The following KANSL1L variants were observed in gnomAD, a reference collection of about 807,000 sequenced individuals.
The protein encoded by KANSL1L is KAT8 regulatory NSL complex subunit 1 like, also known as KAT8 regulatory NSL complex subunit 1-like protein.
A neutral mutation model predicts 108.6 loss-of-function variants in KANSL1L; 25 were observed. That is an observed-to-expected ratio of 0.23 (90% CI 0.17 to 0.32). The LOEUF is 0.32. KANSL1L is among the 10% of genes least tolerant of loss of function. The pLI is 1.00. For synonymous variants in KANSL1L, 405 were observed against 395.1 expected (o/e 1.03, Z -0.30); for missense variants, 1,137 against 1,125.7 (o/e 1.01, Z -0.14).
chr2:210,068,948 G>A (rs2094487053), intron 6 of KANSL1L, among the ~76,000 whole-genome samples: 1 of 152,124 alleles, frequency 6.6e-6, no homozygotes, highest in Non-Finnish European at 1.5e-5. Flanking sequence ...GTAATCCCCA[G>A]AGCAAGCTAT....
chr2:210,070,281 A>AGT (rs963919603), intron 6 of KANSL1L, among the ~76,000 whole-genome samples: 1 of 109,590 alleles, frequency 9.1e-6, no homozygotes, highest in African/African-American at 3.6e-5. Context: ...CCCAGGCTGG[A>AGT]GTGCAGTGGC....
intron 2 of KANSL1L, among the ~76,000 whole-genome samples, chr2:210,133,411 T>C (rs1326705110): frequency 6.6e-6 from 1 of 152,112 alleles, no homozygotes; most frequent in Non-Finnish European, 1.5e-5. Flanking sequence ...ATACAGAGAA[T>C]GGTTTGTATC....
At chr2:210,058,852 A>C (rs2094387744) in intron 6 of KANSL1L, among the ~76,000 whole-genome samples, 1 of 150,744 alleles carries the variant, frequency 6.6e-6, no homozygotes, top group Non-Finnish European at 1.5e-5. Context: ...AAAAAAAAAA[A>C]AAACCTTGCT....
chr2:210,170,761 G>A (rs1488180609), intron 1 of KANSL1L: 1 of 152,314 alleles, frequency 6.6e-6, no homozygotes, highest in Non-Finnish European at 1.5e-5. Context: ...CAGCCGATGA[G>A]GCAAGAGGCG....
chr2:210,119,230 G>A (rs2094989744), intron 3 of KANSL1L, among the ~76,000 whole-genome samples: 1 of 151,756 alleles, frequency 6.6e-6, no homozygotes, highest in Non-Finnish European at 1.5e-5. Flanking sequence ...AGGACCCAAT[G>A]GCTTCACTGC....
intron 3 of KANSL1L, among the ~76,000 whole-genome samples, chr2:210,122,335 C>A (rs925668115): frequency 6.6e-6 from 1 of 152,088 alleles, no homozygotes; most frequent in Non-Finnish European, 1.5e-5. Context: ...TAAAAATAGA[C>A]ACACAGACCA....
At chr2:210,164,077 C>CTA (rs2095374700) in intron 1 of KANSL1L, among the ~76,000 whole-genome samples, 1 of 151,982 alleles carries the variant, frequency 6.6e-6, no homozygotes, top group African/African-American at 2.4e-5. Flanking sequence ...TTTAAACTTG[C>CTA]TACTACTAGA....
At chr2:210,170,366 C>T (rs1304045898) in intron 1 of KANSL1L, 1 of 985,284 alleles carries the variant, frequency 1.0e-6, no homozygotes, top group Non-Finnish European at 1.2e-6. Flanking sequence ...CAAACAAAAA[C>T]GGACTCTCCC....
intron 1 of KANSL1L, among the ~76,000 whole-genome samples, chr2:210,160,840 C>T (rs980406136): frequency 2.6e-5 from 4 of 151,804 alleles, no homozygotes; most frequent in African/African-American, 9.7e-5. Flanking sequence ...CCAGAATAGC[C>T]AAAACAATTT....
chr2:210,083,842 A>AG (rs2125357396), intron 5 of KANSL1L, among the ~76,000 whole-genome samples: 1 of 151,344 alleles, frequency 6.6e-6, no homozygotes, highest in East Asian at 1.9e-4. Context: ...AAAAAAAAAA[A>AG]AAAAAAAGTA....
At chr2:210,030,472 T>C (rs1051662912) in intron 9 of KANSL1L, among the ~76,000 whole-genome samples, 4 of 151,388 alleles carry the variant, frequency 2.6e-5, no homozygotes, top group African/African-American at 7.3e-5. Flanking sequence ...TTACTTCTGT[T>C]AGTATTTTCT....
intron 9 of KANSL1L, 32 bp downstream of exon 9, chr2:210,031,389 T>C (rs372058131): frequency 4.8e-6 from 7 of 1,468,116 alleles, no homozygotes; most frequent in Non-Finnish European, 6.5e-6. Flanking sequence ...TTAATATTTA[T>C]CACTACTGCT....
intron 1 of KANSL1L, 83 bp from the exon 2 acceptor site, chr2:210,154,694 T>C (rs564056704): frequency 2.8e-5 from 21 of 737,270 alleles, no homozygotes; most frequent in Non-Finnish European, 3.7e-5. Context: ...ACATGTTCAA[T>C]GTTTCTGATT....
intron 8 of KANSL1L, among the ~76,000 whole-genome samples, chr2:210,033,823 C>G (rs955641714): frequency 1.3e-5 from 2 of 152,054 alleles, no homozygotes; most frequent in Non-Finnish European, 2.9e-5. Flanking sequence ...CAGGCGTGAG[C>G]CACCGCGCCC....
At chr2:210,114,636 A>G (rs534109888) in intron 3 of KANSL1L, among the ~76,000 whole-genome samples, 11 of 152,194 alleles carry the variant, frequency 7.2e-5, no homozygotes, top group African/African-American at 1.9e-4. Flanking sequence ...ACATTAAAAA[A>G]ATATAATAGA....
At chr2:210,143,569 T>C (rs1032080063) in intron 2 of KANSL1L, among the ~76,000 whole-genome samples, 4 of 152,148 alleles carry the variant, frequency 2.6e-5, no homozygotes, top group Non-Finnish European at 5.9e-5. Context: ...CCTTTGTGAT[T>C]TGGTGATTTT....
At chr2:210,059,475 G>A (rs1297770447) in intron 6 of KANSL1L, among the ~76,000 whole-genome samples, 1 of 152,238 alleles carries the variant, frequency 6.6e-6, no homozygotes, top group Non-Finnish European at 1.5e-5. Flanking sequence ...AATCCAGTAT[G>A]AAACCACTAA....
chr2:210,101,444 GAATT>G (rs1299055686), intron 4 of KANSL1L, among the ~76,000 whole-genome samples: 1 of 152,130 alleles, frequency 6.6e-6, no homozygotes, highest in East Asian at 1.9e-4. Flanking sequence ...AAATATCTTA[GAATT>G]AATTTAAACA....
chr2:210,048,616 A>G (rs2094253157), intron 6 of KANSL1L, among the ~76,000 whole-genome samples: 1 of 151,884 alleles, frequency 6.6e-6, no homozygotes, highest in South Asian at 2.1e-4. Context: ...TTTTAGAGAG[A>G]TTTATTTTGT....
Sources: gnomAD v4.1 joint callset for allele counts (sites outside exome capture counted in the v4.1 genomes callset) on GRCh38, gnomAD v4.1.1 for gene constraint, MANE v1.5 for transcripts, NCBI Gene and HGNC (gene_info 2026-07-23, HGNC 2026-07-21) for gene names.